The following ADAMTS19 variants were observed in gnomAD, a reference collection of about 807,000 sequenced individuals.
The protein encoded by ADAMTS19 is A disintegrin and metalloproteinase with thrombospondin motifs 19.
ADAMTS19 carries 93 observed loss-of-function variants against 153.3 expected under a neutral mutation model. That is an observed-to-expected ratio of 0.61 (90% CI 0.51 to 0.72). The LOEUF is 0.72. ADAMTS19 is among the 30% of genes least tolerant of loss of function. ADAMTS19 has a pLI of 0.00. For missense variants in ADAMTS19, 1,482 were observed against 1,552.1 expected, an observed-to-expected ratio of 0.95 and a Z score of 0.76; for synonymous variants, 600 against 556.6, an observed-to-expected ratio of 1.08 and a Z score of -1.10.
intron 21 of ADAMTS19, among the ~76,000 whole-genome samples, chr5:129,721,168 C>T (rs576909747): frequency 8.6e-5 from 13 of 152,010 alleles, no homozygotes; most frequent in Admixed American, 4.6e-4. Context: ...TATGATTCAC[C>T]GGAATTGAGT....
chr5:129,598,197 A>G (rs1478869225), intron 8 of ADAMTS19, among the ~76,000 whole-genome samples: 1 of 152,196 alleles, frequency 6.6e-6, no homozygotes, highest in Non-Finnish European at 1.5e-5. Context: ...GGTAACACTC[A>G]ACCCACAGCC....
intron 15 of ADAMTS19, among the ~76,000 whole-genome samples, chr5:129,664,691 CT>C (rs1753962112): frequency 6.6e-6 from 1 of 152,010 alleles, no homozygotes; most frequent in African/African-American, 2.4e-5. Context: ...ATACATGGAT[CT>C]TCACAGAACT....
At chr5:129,590,126 G>T (rs1396409006) in intron 7 of ADAMTS19, among the ~76,000 whole-genome samples, 3 of 152,058 alleles carry the variant, frequency 2.0e-5, no homozygotes, top group Non-Finnish European at 2.9e-5. Flanking sequence ...ATTTATGCAT[G>T]AATCTCCATC....
chr5:129,646,186 C>T (rs972986347), intron 11 of ADAMTS19, among the ~76,000 whole-genome samples: 1 of 152,012 alleles, frequency 6.6e-6, no homozygotes, highest in African/African-American at 2.4e-5. Context: ...CCGCGCCCGG[C>T]CTCCTTTTCC....
In ADAMTS19 at chr5:129,465,424, AT is replaced by A. The variant is rs147124360; in HGVS notation, c.747+3669del. On this transcript the variant is annotated intron_variant, in intron 2 of 22. Transcript: ENST00000274487. ...ACTATTGACATGGCAGACTACTTAG[AT>A]TATTTTTTCCAGATGATGAAGTGTA... 8.4e-3 allele frequency among the ~76,000 whole-genome samples: 1,252 copies of A among 149,488 alleles called. 18 individuals carry two copies. The highest frequency in any genetic ancestry group is 0.03 in the African/African-American group (1,215 of 40,308).
intron 6 of ADAMTS19, among the ~76,000 whole-genome samples, chr5:129,549,401 ATAT>A (rs1752984749): frequency 1.3e-5 from 2 of 151,664 alleles, no homozygotes; most frequent in Admixed American, 6.6e-5. Flanking sequence ...GGACAAGCAA[ATAT>A]TAGTGCAGTA....
chr5:129,702,941 AAT>A (rs59614056), intron 20 of ADAMTS19, among the ~76,000 whole-genome samples: 181 of 29,240 alleles, frequency 6.2e-3, no homozygotes, highest in Non-Finnish European at 0.01. Context: ...AAAAAAAAAA[AAT>A]ATATATATAT....
At chr5:129,711,519 C>CA (rs373035150) in intron 21 of ADAMTS19, among the ~76,000 whole-genome samples, 76 of 151,660 alleles carry the variant, frequency 5.0e-4, no homozygotes, top group African/African-American at 1.7e-3. Context: ...ACCAAAAATA[C>CA]AAAAAAAATT....
At chr5:129,478,034 C>A (rs1750281829) in intron 2 of ADAMTS19, among the ~76,000 whole-genome samples, 1 of 152,144 alleles carries the variant, frequency 6.6e-6, no homozygotes, top group Non-Finnish European at 1.5e-5. Flanking sequence ...GGAGAACCAT[C>A]ACAATAATAT....
chr5:129,702,050 T>C (rs185222207), intron 20 of ADAMTS19, among the ~76,000 whole-genome samples: 1 of 152,198 alleles, frequency 6.6e-6, no homozygotes, highest in Non-Finnish European at 1.5e-5. Context: ...CATCATTTTA[T>C]AAGTAAGAGT....
chr5:129,695,625 A>G (rs996618902), intron 19 of ADAMTS19, among the ~76,000 whole-genome samples: 4 of 152,198 alleles, frequency 2.6e-5, no homozygotes, highest in African/African-American at 9.7e-5. Flanking sequence ...ACAGGGCTCC[A>G]ATCTACCTGC....
At chr5:129,487,025 T>C (rs1750621342) in intron 2 of ADAMTS19, among the ~76,000 whole-genome samples, 1 of 152,142 alleles carries the variant, frequency 6.6e-6, no homozygotes, top group African/African-American at 2.4e-5. Context: ...TCCTGTCAGG[T>C]TCACATACTA....
intron 20 of ADAMTS19, 48 bp downstream of exon 20, chr5:129,701,640 C>A: frequency 6.3e-7 from 1 of 1,590,342 alleles, no homozygotes. Flanking sequence ...TGACTCCTAG[C>A]TTGTACAAGA....
rs781193355 is a variant in ADAMTS19 at position 129,658,299 on chromosome 5, GAA to G, written c.2305-316_2305-315del. ...AGACCCCATCTGAAAGAAAAAGAAA[GAA>G]AGAAAGAAAAAGAAAGAAAGAAAGA... On this transcript the variant is annotated intron_variant, in intron 14 of 22. Transcript: ENST00000274487. Among the ~76,000 whole-genome samples the G allele has an allele frequency of 3.6e-4, 42 of 118,236 alleles. 1 individual carries two copies. The South Asian group carries it at 6.2e-3, about 17-fold the overall frequency. 77.6% of individuals were successfully genotyped at this position (118,236 alleles called of 152,430 possible).
chr5:129,590,593 A>T (rs1053474517), intron 7 of ADAMTS19, among the ~76,000 whole-genome samples: 3 of 152,194 alleles, frequency 2.0e-5, no homozygotes, highest in Non-Finnish European at 4.4e-5. Flanking sequence ...AGGCTTTTTT[A>T]AAAATATTTT....
At chr5:129,678,285 T>G (rs1754642041) in intron 16 of ADAMTS19, among the ~76,000 whole-genome samples, 1 of 152,106 alleles carries the variant, frequency 6.6e-6, no homozygotes, top group South Asian at 2.1e-4. Flanking sequence ...CATGTATGGC[T>G]CCCTTAGTCT....
At chr5:129,619,474 T>G (rs908817587) in intron 8 of ADAMTS19, among the ~76,000 whole-genome samples, 1 of 152,038 alleles carries the variant, frequency 6.6e-6, no homozygotes, top group Non-Finnish European at 1.5e-5. Flanking sequence ...AAACTACAAG[T>G]CATTTGGTAT....
In ADAMTS19 at chr5:129,525,214, C is replaced by A. The variant is rs548560288; in HGVS notation, c.914-1070C>A. Among the ~76,000 whole-genome samples, 3 of 152,094 alleles carry A rather than the reference C, an allele frequency of 2.0e-5. No homozygotes were observed. The South Asian group carries it at 6.2e-4, about 32-fold the overall frequency. On this transcript the variant is annotated intron_variant, in intron 3 of 22. Coordinates refer to ENST00000274487, the MANE Select transcript of ADAMTS19 (RefSeq NM_133638.6). Reference sequence around the variant, plus strand: ...TATGCAAATATTCAACTTTAGTAGACCCTGCAAACTAGGTTTACAAAGTGT... The same window carrying A: ...TATGCAAATATTCAACTTTAGTAGAACCTGCAAACTAGGTTTACAAAGTGT...
At chr5:129,700,007 A>T (rs1280412166) in intron 19 of ADAMTS19, among the ~76,000 whole-genome samples, 2 of 152,162 alleles carry the variant, frequency 1.3e-5, no homozygotes, top group African/African-American at 4.8e-5. Context: ...AACCTCGGGG[A>T]TTCTGACTGC....
Sources: gnomAD v4.1 joint callset for allele counts (sites outside exome capture counted in the v4.1 genomes callset) on GRCh38, gnomAD v4.1.1 for gene constraint, MANE v1.5 for transcripts, NCBI Gene and HGNC (gene_info 2026-07-23, HGNC 2026-07-21) for gene names.